The following C1orf105 variants were observed in gnomAD, a reference collection of about 807,000 sequenced individuals.
C1orf105 encodes the protein chromosome 1 open reading frame 105.
In C1orf105, 17 loss-of-function variants were observed where a neutral mutation model predicts 20.8. The ratio of observed to expected loss-of-function variants is 0.82; its 90% CI spans 0.56 to 1.23. The LOEUF is 1.23. C1orf105 is among the 50% of genes most tolerant of loss of function. The pLI, the probability that C1orf105 is intolerant of heterozygous loss-of-function variation, is 0.00. For synonymous variants in C1orf105, 72 were observed against 72.1 expected, an observed-to-expected ratio of 1.00 and a Z score of 0.01; for missense variants, 219 against 213.5, an observed-to-expected ratio of 1.03 and a Z score of -0.16.
intron 1 of C1orf105, chr1:172,442,449 C>A (rs1308135932): frequency 1.3e-5 from 21 of 1,614,084 alleles, no homozygotes; most frequent in Non-Finnish European, 1.8e-5. Context: ...GCTGCTGGAT[C>A]ACCACACTGG....
At chr1:172,452,967 A>C (rs1648819704) in intron 3 of C1orf105, 1 of 1,546,602 alleles carries the variant, frequency 6.5e-7, no homozygotes, top group African/African-American at 1.4e-5. Context: ...GGAATGCAAC[A>C]GAAGAAAAAG....
chr1:172,465,045 T>C (rs1649941572), intron 5 of C1orf105, among the ~76,000 whole-genome samples: 1 of 152,050 alleles, frequency 6.6e-6, no homozygotes, highest in South Asian at 2.1e-4. Context: ...TAGCCAGGTG[T>C]GGTGGTGTGT....
chr1:172,462,110 T>TG, intron 4 of C1orf105, 68 bp from the exon 5 acceptor site: 1 of 1,139,284 alleles, frequency 8.8e-7, no homozygotes, highest in Non-Finnish European at 1.3e-6. Flanking sequence ...TTCACTAAAG[T>TG]GGTACATTAT....
chr1:172,439,514 C>T (rs1015198392), intron 1 of C1orf105, among the ~76,000 whole-genome samples: 3 of 152,126 alleles, frequency 2.0e-5, no homozygotes, highest in Admixed American at 6.6e-5. Flanking sequence ...CGCAACTCTC[C>T]GTCTCCCACC....
At chr1:172,443,434 T>G (rs1390099998) in intron 1 of C1orf105, 2 of 167,026 alleles carry the variant, frequency 1.2e-5, no homozygotes, top group African/African-American at 4.8e-5. Flanking sequence ...CTCTATAGTT[T>G]AACCAAAATC....
At chr1:172,444,401 G>A in intron 1 of C1orf105, 4 of 647,518 alleles carry the variant, frequency 6.2e-6, no homozygotes, top group Non-Finnish European at 7.7e-6. Flanking sequence ...GTGCATCCAT[G>A]CGTTCATTCC....
intron 5 of C1orf105, among the ~76,000 whole-genome samples, chr1:172,463,243 C>G (rs947156715): frequency 6.6e-6 from 1 of 152,228 alleles, no homozygotes; most frequent in African/African-American, 2.4e-5. Context: ...CATACACTCA[C>G]CTTTACATAT....
chr1:172,444,979 A>G, intron 1 of C1orf105, 94 bp from the exon 2 acceptor site: 2 of 919,398 alleles, frequency 2.2e-6, no homozygotes, highest in Non-Finnish European at 3.3e-6. Flanking sequence ...TAAAGTGTTC[A>G]CTATATGGCT....
chr1:172,443,415 A>G (rs1647559290), intron 1 of C1orf105: 1 of 167,018 alleles, frequency 6.0e-6, no homozygotes, highest in Admixed American at 6.5e-5. Flanking sequence ...CCATACAGAA[A>G]GGTATGAGCT....
chr1:172,461,832 T>C (rs1408238676), intron 4 of C1orf105, among the ~76,000 whole-genome samples: 1 of 152,122 alleles, frequency 6.6e-6, no homozygotes, highest in Non-Finnish European at 1.5e-5. Context: ...CCTAAGAACA[T>C]AGAGCGGAGG....
chr1:172,456,363 C>A, intron 3 of C1orf105, 52 bp from the exon 4 acceptor site: 1 of 1,482,864 alleles, frequency 6.7e-7, no homozygotes, highest in Non-Finnish European at 9.4e-7. Flanking sequence ...ATCTTTGCTG[C>A]CCTACATGCC....
chr1:172,461,725 G>C (rs76758928), intron 4 of C1orf105, among the ~76,000 whole-genome samples: 1 of 152,126 alleles, frequency 6.6e-6, no homozygotes, highest in African/African-American at 2.4e-5. Flanking sequence ...ATAGAGACAA[G>C]GTCTATGCCC....
rs190420664 is a variant in C1orf105, at chr1:172,468,701, A to G, written c.*107A>G. The G allele has an allele frequency of 1.2e-5, 15 of 1,288,842 alleles. No individual in the cohort carries two copies. In the African/African-American group the frequency reaches 1.6e-4, roughly 14 times the overall value. The allele number at this position is 1,288,842 out of a possible 1,614,324, so 79.8% of individuals were successfully genotyped here. ...TCACAATTTTCTCTCTTCTCCCAAA[A>G]GATGATTTAATTTTGCCTTCCTAAG... On this transcript the variant is annotated 3_prime_UTR_variant, in exon 7 of 7. Transcript: ENST00000367727.
At chr1:172,462,880 C>A (rs1388071013) in intron 5 of C1orf105, among the ~76,000 whole-genome samples, 3 of 151,862 alleles carry the variant, frequency 2.0e-5, no homozygotes, top group African/African-American at 7.3e-5. Flanking sequence ...TCAAGCAATT[C>A]TCTTGCCTCA....
At chr1:172,429,223 T>C (rs372643685) in intron 1 of C1orf105, among the ~76,000 whole-genome samples, 6 of 150,976 alleles carry the variant, frequency 4.0e-5, no homozygotes, top group Non-Finnish European at 5.9e-5. Context: ...AATACAAATA[T>C]ACACACACAC....
At chr1:172,424,089 T>G (rs763428223) in intron 1 of C1orf105, among the ~76,000 whole-genome samples, 9 of 152,236 alleles carry the variant, frequency 5.9e-5, no homozygotes, top group Non-Finnish European at 1.3e-4. Context: ...TATAAACTCC[T>G]ACTCCCATCC....
chr1:172,468,345 A>G (rs942893274), intron 6 of C1orf105, 104 bp from the exon 7 acceptor site: 1 of 850,916 alleles, frequency 1.2e-6, no homozygotes, highest in African/African-American at 1.7e-5. Flanking sequence ...AATCTGTTTT[A>G]TAAGGTTGAA....
intron 1 of C1orf105, among the ~76,000 whole-genome samples, chr1:172,431,844 G>A (rs755775642): frequency 1.2e-4 from 18 of 152,250 alleles, no homozygotes; most frequent in Non-Finnish European, 2.4e-4. Context: ...GCCAAGGGAA[G>A]CCGTGACAGA....
intron 5 of C1orf105, among the ~76,000 whole-genome samples, chr1:172,464,350 G>A (rs1471339645): frequency 6.6e-6 from 1 of 152,152 alleles, no homozygotes; most frequent in Non-Finnish European, 1.5e-5. Context: ...TGGTAGCAAA[G>A]CAAAAATAAT....
Sources: allele counts gnomAD v4.1 joint callset (sites outside exome capture counted in the v4.1 genomes callset), GRCh38; gene constraint gnomAD v4.1.1; transcripts MANE v1.5; gene names NCBI Gene and HGNC (gene_info 2026-07-23, HGNC 2026-07-21).